Variants in PCDHGB1 observed in about 807,000 individuals in gnomAD.
PCDHGB1 encodes the protein protocadherin gamma subfamily B, 1, also known as protocadherin gamma-B1.
PCDHGB1 carries 34 observed loss-of-function variants against 56.6 expected under a neutral mutation model. That is an observed-to-expected ratio of 0.60 (90% CI 0.46 to 0.80). The LOEUF (loss-of-function observed/expected upper bound fraction) is 0.80, where lower values mean the gene tolerates loss of function less well. PCDHGB1 is among the 30% of genes least tolerant of loss of function. The pLI, the probability that PCDHGB1 is intolerant of heterozygous loss-of-function variation, is 0.00. For synonymous variants in PCDHGB1, 561 were observed against 505.9 expected, an observed-to-expected ratio of 1.11 and a Z score of -1.46; for missense variants, 1,278 against 1,204.6, an observed-to-expected ratio of 1.06 and a Z score of -0.90.
At chr5:141,404,396 A>C (rs2094523935) in intron 1 of PCDHGB1, 2 of 1,613,816 alleles carry the variant, frequency 1.2e-6, no homozygotes, top group Non-Finnish European at 1.7e-6. Context: ...CCCTGATAGC[A>C]ATGAGAATTC....
Position 141,490,854 on chromosome 5 carries a change from C to T in PCDHGB1, c.2410-3953C>T. On this transcript the variant is annotated intron_variant, in intron 1 of 3. Transcript: ENST00000523390. The surrounding 1 kb of genome is among the most constrained non-coding windows in gnomAD (Gnocchi z 5.4). The stretch of plus-strand genomic sequence containing the variant: ...TGCAGATTGTGGTGGGGGTTCGAGA[C>T]TCCGGCTCTCCCCCATTGCATGCCA... 6.2e-7 allele frequency: 1 copy of T among 1,613,900 alleles called. No homozygotes were observed. The highest frequency in any genetic ancestry group is 8.5e-7 in the Non-Finnish European group (1 of 1,179,914).
chr5:141,360,582 TACA>T (rs1223956986), intron 1 of PCDHGB1: 9 of 1,613,976 alleles, frequency 5.6e-6, no homozygotes, highest in African/African-American at 1.3e-5. Context: ...CTAAGCCAGG[TACA>T]ACATTTCCAC....
intron 1 of PCDHGB1, chr5:141,384,121 A>G (rs1779757093): frequency 1.2e-6 from 2 of 1,609,374 alleles, no homozygotes; most frequent in African/African-American, 1.3e-5. Context: ...GGTCACAACC[A>G]AAAACTTGGA....
At chr5:141,379,494 T>C (rs1469467454) in intron 1 of PCDHGB1, 2 of 152,242 alleles carry the variant, frequency 1.3e-5, no homozygotes, top group Non-Finnish European at 2.9e-5. Context: ...ATACTACCAA[T>C]TTGGGATGTT....
At chr5:141,361,569 C>T in intron 1 of PCDHGB1, 1 of 1,614,072 alleles carries the variant, frequency 6.2e-7, no homozygotes. Flanking sequence ...GTGCCTCTGA[C>T]CCTGACTTGG....
Position 141,350,745 on chromosome 5 carries a change from A to G in PCDHGB1, c.485A>G (p.Asn162Ser). Residue 162 changes from asparagine (N) to serine (S), a missense_variant, in exon 1 of 4, where the codon AAT becomes AGT. Transcript: ENST00000523390. ...GCTCAAGATGCAGATGTGGAAGGCAATTCACTGAAGTTATACACCATCAAC... is the reference window on the plus strand; with the variant it reads ...GCTCAAGATGCAGATGTGGAAGGCAGTTCACTGAAGTTATACACCATCAAC... ...DSAQDADVEG[N>S]SLKLYTINPN... 6.2e-7 allele frequency: 1 copy of G among 1,613,956 alleles called. No individual in the cohort carries two copies. Among genetic ancestry groups the G allele is most frequent in the Non-Finnish European group, 8.5e-7 (1 of 1,179,900 alleles).
Position 141,485,582 on chromosome 5 carries a change from C to G in PCDHGB1, c.2410-9225C>G. The G allele has an allele frequency of 6.2e-7, 1 of 1,612,374 alleles. No individual in the cohort carries two copies. Among genetic ancestry groups the G allele is most frequent in the South Asian group, 1.1e-5 (1 of 90,956 alleles). On this transcript the variant is annotated intron_variant, in intron 1 of 3. Transcript: ENST00000523390. The surrounding 1 kb of genome is among the most constrained non-coding windows in gnomAD (Gnocchi z 5.7). ...TCACGCCCCCCGTTTTCCGCGGCAG[C>G]AGCTGGACTTGGAAATTGGGGAGGC...
rs777439869 is a variant in PCDHGB1, at chr5:141,350,958, A to G, written c.698A>G (p.Asn233Ser). 5.6e-6 allele frequency: 9 copies of G among 1,613,978 alleles called. No homozygotes were observed. The highest frequency in any genetic ancestry group is 2.2e-5 in the East Asian group (1 of 44,898). ...THIWIRVTDANDNAPVFSQEV... is the reference protein window; with the variant it reads ...THIWIRVTDASDNAPVFSQEV... ...ATCTGGATCCGAGTTACGGATGCCA[A>G]TGATAATGCTCCCGTGTTTAGCCAG... Residue 233 changes from asparagine to serine, a missense_variant, in exon 1 of 4, where the codon AAT becomes AGT. Asn to Ser is a conservative substitution (Grantham distance 46). Coordinates refer to ENST00000523390, the MANE Select transcript of PCDHGB1 (RefSeq NM_018922.3).
intron 1 of PCDHGB1, among the ~76,000 whole-genome samples, chr5:141,424,944 A>G (rs958272371): frequency 2.6e-5 from 4 of 152,108 alleles, no homozygotes; most frequent in African/African-American, 9.7e-5. Context: ...CTCTCACATC[A>G]CTTCTAGGTA....
Position 141,432,201 on chromosome 5 carries a change from G to T in PCDHGB1, c.2410-62606G>T, listed in dbSNP as rs761075658. On this transcript the variant is annotated intron_variant, in intron 1 of 3. Transcript: ENST00000523390. This position sits in a 1 kb window ranked among gnomAD's most constrained non-coding sequence, Gnocchi z 6.0. ...TCTGTGACCGCCCACGACCCCGACT[G>T]TGAAGAGAACGCCCAGATCACTTAT... 1.8e-5 allele frequency: 29 copies of T among 1,614,092 alleles called. No homozygotes were observed. The South Asian group carries it at 2.9e-4, about 16-fold the overall frequency.
intron 2 of PCDHGB1, among the ~76,000 whole-genome samples, chr5:141,495,601 G>C (rs1315613802): frequency 6.6e-6 from 1 of 152,004 alleles, no homozygotes; most frequent in Non-Finnish European, 1.5e-5. Context: ...CTTAGCTTCC[G>C]TCTTGATTGC....
chr5:141,383,097 C>T, intron 1 of PCDHGB1: 1 of 1,613,998 alleles, frequency 6.2e-7, no homozygotes, highest in Non-Finnish European at 8.5e-7. Context: ...GAGTCCGCAT[C>T]ATCTCCAGAG....
intron 1 of PCDHGB1, chr5:141,384,871 G>C (rs769607351): frequency 6.2e-7 from 1 of 1,613,766 alleles, no homozygotes; most frequent in Non-Finnish European, 8.5e-7. Context: ...GTCAGCCACC[G>C]TCACACTCAC....
At chr5:141,361,178 T>C (rs1395643318) in intron 1 of PCDHGB1, 3 of 1,613,812 alleles carry the variant, frequency 1.9e-6, no homozygotes, top group Non-Finnish European at 1.7e-6. Flanking sequence ...CCTGAAGTTA[T>C]TGTGACTTCA....
rs1247067983 is a variant in PCDHGB1, at chr5:141,511,327, C to T, written c.*154C>T. ...CCCTTGGGAAACAGAAACAAGTGCC[C>T]AGTCAGCACCTACCCCTTCCCCCCC... On this transcript the variant is annotated 3_prime_UTR_variant, in exon 4 of 4. Transcript: ENST00000523390. 28 of 1,455,454 alleles carry T rather than the reference C, an allele frequency of 1.9e-5. No individual in the cohort carries two copies. Among genetic ancestry groups the T allele is most frequent in the Admixed American group, 2.4e-5 (1 of 41,734 alleles). 90.2% of individuals were successfully genotyped at this position (1,455,454 alleles called of 1,614,324 possible). A position where few individuals can be genotyped will look rare whatever the true frequency, so the allele number is the denominator to read the frequency against.
chr5:141,436,817 TA>T (rs1431750380), intron 1 of PCDHGB1, among the ~76,000 whole-genome samples: 1 of 152,244 alleles, frequency 6.6e-6, no homozygotes, highest in Non-Finnish European at 1.5e-5. Context: ...ACAGCTGGTT[TA>T]AAAATCTTAA....
At chr5:141,409,168 G>T in intron 1 of PCDHGB1, 1 of 1,614,032 alleles carries the variant, frequency 6.2e-7, no homozygotes, top group Non-Finnish European at 8.5e-7. Flanking sequence ...TGGAAGCGAA[G>T]GACGGAGGTG....
chr5:141,490,942 C>A lies in PCDHGB1; in HGVS notation c.2410-3865C>A, dbSNP rs371286343. On this transcript the variant is annotated intron_variant, in intron 1 of 3. Coordinates refer to ENST00000523390, the MANE Select transcript of PCDHGB1 (RefSeq NM_018922.3). This position sits in a 1 kb window ranked among gnomAD's most constrained non-coding sequence, Gnocchi z 5.4. ...TAATGCCCCAGCTGTGCTGCACCCA[C>A]GGCCAGACTGGGAACACTCAGCCCC... The A allele has an allele frequency of 3.0e-5, 49 of 1,613,526 alleles. No individual in the cohort carries two copies. The highest frequency in any genetic ancestry group is 4.1e-5 in the Non-Finnish European group (48 of 1,179,768).
chr5:141,399,559 G>T (rs1589373313), intron 1 of PCDHGB1: 1 of 1,614,038 alleles, frequency 6.2e-7, no homozygotes, highest in African/African-American at 1.3e-5. Context: ...CCTGGACTTG[G>T]GGTTGAACGG....
Sources: gnomAD v4.1 joint callset for allele counts (sites outside exome capture counted in the v4.1 genomes callset) on GRCh38, gnomAD v4.1.1 for gene constraint, Gnocchi (gnomAD v3.1) non-coding constraint, MANE v1.5 for transcripts, NCBI Gene and HGNC (gene_info 2026-07-23, HGNC 2026-07-21) for gene names.